KALRN: variants seen among roughly 807,000 people sequenced by gnomAD.
KALRN encodes the protein kalirin.
A neutral mutation model predicts 353.7 loss-of-function variants in KALRN; 70 were observed. The observed-to-expected ratio is 0.20, with a 90% CI of 0.16 to 0.24. The LOEUF (loss-of-function observed/expected upper bound fraction) is 0.24. Ranked by LOEUF, KALRN falls within the 10% of genes least tolerant of loss-of-function variation. The probability of loss-of-function intolerance (pLI) is 1.00; values close to 1 mark genes in which losing one functional copy is unlikely to be tolerated. For missense variants in KALRN, 2,791 were observed against 3,756.7 expected (o/e 0.74, Z 6.72); for synonymous variants, 1,391 against 1,434.8 (o/e 0.97, Z 0.69).
intron 13 of KALRN, among the ~76,000 whole-genome samples, chr3:124,409,184 G>T (rs1219633462): frequency 6.6e-6 from 1 of 152,168 alleles, no homozygotes; most frequent in East Asian, 1.9e-4. Flanking sequence ...AGCAAGTGGG[G>T]AACTGAGGTG....
intron 33 of KALRN, among the ~76,000 whole-genome samples, chr3:124,500,724 A>G (rs2064419344): frequency 6.6e-6 from 1 of 152,348 alleles, no homozygotes; most frequent in Non-Finnish European, 1.5e-5. Context: ...TAGTTCCCCA[A>G]GGGGCAAACA....
chr3:124,630,829 A>AAAAAC (rs562324948), intron 34 of KALRN, among the ~76,000 whole-genome samples: 2 of 152,286 alleles, frequency 1.3e-5, no homozygotes, highest in South Asian at 4.1e-4. Flanking sequence ...CTGAGATTTA[A>AAAAAC]AAAACAAAAC....
intron 34 of KALRN, among the ~76,000 whole-genome samples, chr3:124,601,896 C>T (rs1382563695): frequency 2.0e-5 from 3 of 151,854 alleles, no homozygotes; most frequent in Admixed American, 6.6e-5. Flanking sequence ...TTTGGTGGCA[C>T]CCACCTGTAG....
intron 34 of KALRN, among the ~76,000 whole-genome samples, chr3:124,629,776 C>T (rs992521063): frequency 6.8e-6 from 1 of 146,386 alleles, no homozygotes; most frequent in African/African-American, 2.5e-5. Flanking sequence ...ATTTTGCATG[C>T]TTAATCTTGC....
At chr3:124,105,040 G>A (rs900443232) in intron 1 of KALRN, among the ~76,000 whole-genome samples, 1 of 152,148 alleles carries the variant, frequency 6.6e-6, no homozygotes, top group East Asian at 1.9e-4. Context: ...TGCTGGTCAT[G>A]TTCTTTAAAG....
intron 39 of KALRN, 149 bp from the exon 40 acceptor site, chr3:124,657,299 G>T (rs1280254820): frequency 1.6e-6 from 1 of 614,078 alleles, no homozygotes; most frequent in East Asian, 2.8e-5. Flanking sequence ...AGGGGTTAAA[G>T]ACCTGGTTGA....
chr3:124,223,261 C>T (rs6764612), intron 1 of KALRN, among the ~76,000 whole-genome samples: 15,043 of 151,984 alleles, frequency 0.099, 1,134 homozygotes, highest in African/African-American at 0.2. Flanking sequence ...GAAATAATGA[C>T]CTTAGGAATA....
intron 3 of KALRN, among the ~76,000 whole-genome samples, chr3:124,244,806 CTG>C (rs1481656550): frequency 6.6e-6 from 1 of 151,942 alleles, no homozygotes; most frequent in Non-Finnish European, 1.5e-5. Flanking sequence ...CGAGATAAAT[CTG>C]TAGCAATCAT....
At chr3:124,287,829 A>C (rs1319017753) in intron 5 of KALRN, among the ~76,000 whole-genome samples, 1 of 89,178 alleles carries the variant, frequency 1.1e-5, no homozygotes, top group Non-Finnish European at 2.3e-5. Context: ...ATATATATGT[A>C]TATAATTTTT....
At chr3:124,386,432 G>A (rs765870161) in intron 11 of KALRN, among the ~76,000 whole-genome samples, 2 of 152,102 alleles carry the variant, frequency 1.3e-5, no homozygotes, top group African/African-American at 2.4e-5. Flanking sequence ...GTGGTGGACC[G>A]GGGTCAGTTT....
At chr3:124,406,918 G>A (rs758256789) in intron 13 of KALRN, among the ~76,000 whole-genome samples, 17 of 139,530 alleles carry the variant, frequency 1.2e-4, no homozygotes, top group Non-Finnish European at 1.7e-4. Context: ...TGCTATCTCC[G>A]CCTCCTGGGT....
At chr3:124,482,679 C>G (rs1002647435) in intron 27 of KALRN, 129 bp from the exon 28 acceptor site, 1 of 661,148 alleles carries the variant, frequency 1.5e-6, no homozygotes, top group Non-Finnish European at 2.8e-6. Context: ...TATGAAAGAA[C>G]ATGTTCTCAT....
intron 47 of KALRN, among the ~76,000 whole-genome samples, chr3:124,671,437 C>T (rs183434841): frequency 3.9e-5 from 6 of 152,328 alleles, no homozygotes; most frequent in East Asian, 3.9e-4. Context: ...AGAGCCTTCT[C>T]TCTCTTTGCA....
At chr3:124,685,259 A>G (rs2150519078) in intron 51 of KALRN, among the ~76,000 whole-genome samples, 1 of 152,218 alleles carries the variant, frequency 6.6e-6, no homozygotes, top group Non-Finnish European at 1.5e-5. Flanking sequence ...CTCTCCATGC[A>G]GACCGATTTA....
At chr3:124,449,270 AAAGG>A (rs1208197400) in intron 21 of KALRN, among the ~76,000 whole-genome samples, 1 of 152,230 alleles carries the variant, frequency 6.6e-6, no homozygotes, top group Non-Finnish European at 1.5e-5. Context: ...ACTGTGGTCC[AAAGG>A]AACAGACCAA....
intron 1 of KALRN, among the ~76,000 whole-genome samples, chr3:124,107,299 A>G (rs1402822830): frequency 6.6e-6 from 1 of 152,096 alleles, no homozygotes; most frequent in Non-Finnish European, 1.5e-5. Context: ...AATGATCCCA[A>G]CCCCAGTACA....
At chr3:124,072,977 C>A (rs988731083) in intron 1 of KALRN, among the ~76,000 whole-genome samples, 4 of 152,184 alleles carry the variant, frequency 2.6e-5, no homozygotes, top group African/African-American at 9.6e-5. Context: ...TGATGTTGAA[C>A]CATGGCTTGT....
At chr3:124,515,816 A>G (rs912790223) in intron 33 of KALRN, among the ~76,000 whole-genome samples, 9 of 152,208 alleles carry the variant, frequency 5.9e-5, no homozygotes, top group Non-Finnish European at 1.0e-4. Context: ...AATGTCATGA[A>G]TGACTATCAT....
At chr3:124,531,365 T>C (rs1366729415) in intron 33 of KALRN, among the ~76,000 whole-genome samples, 3 of 152,232 alleles carry the variant, frequency 2.0e-5, no homozygotes, top group Non-Finnish European at 4.4e-5. Context: ...AAATTTTGGC[T>C]CTACTCAACA....
Sources: allele counts gnomAD v4.1 joint callset (sites outside exome capture counted in the v4.1 genomes callset), GRCh38; gene constraint gnomAD v4.1.1; transcripts MANE v1.5; gene names NCBI Gene and HGNC (gene_info 2026-07-23, HGNC 2026-07-21).